The following CDH13 variants were observed in gnomAD, a reference collection of about 807,000 sequenced individuals.
CDH13 encodes the protein cadherin-13.
In CDH13, 24 loss-of-function variants were observed where a neutral mutation model predicts 63.8. The ratio of observed to expected loss-of-function variants is 0.38; its 90% CI spans 0.27 to 0.53. CDH13 has a LOEUF of 0.53. Ranked by LOEUF, CDH13 falls within the 20% of genes least tolerant of loss-of-function variation. CDH13 has a pLI of 0.85. For missense variants in CDH13, 1,049 were observed against 903.1 expected, an observed-to-expected ratio of 1.16 and a Z score of -2.07; for synonymous variants, 503 against 355.3, an observed-to-expected ratio of 1.42 and a Z score of -4.67.
intron 8 of CDH13, chr16:83,654,864 C>T (rs556644951): frequency 6.6e-5 from 10 of 152,310 alleles, no homozygotes; most frequent in African/African-American, 2.4e-4. Flanking sequence ...AGAGCATCTC[C>T]AGGTGGCTCA....
rs74316391 is a variant in CDH13 at position 83,660,615 on chromosome 16, A to G, written c.1102-10175A>G. Among the ~76,000 whole-genome samples, 508 of 152,274 alleles carry G rather than the reference A, an allele frequency of 3.3e-3. 6 individuals are homozygous for G. Among genetic ancestry groups the G allele is most frequent in the African/African-American group, 0.012 (489 of 41,554 alleles). On this transcript the variant is annotated intron_variant, in intron 8 of 13. Coordinates refer to ENST00000567109, the MANE Select transcript of CDH13 (RefSeq NM_001257.5). Reference sequence around the variant, plus strand: ...AACCACTGAGTTAGAGGCCAACTAGAATTTGCCCCACTTCATTGAATTCCC... The same window carrying G: ...AACCACTGAGTTAGAGGCCAACTAGGATTTGCCCCACTTCATTGAATTCCC...
intron 5 of CDH13, among the ~76,000 whole-genome samples, chr16:83,250,233 A>G (rs72802275): frequency 0.15 from 22,676 of 152,212 alleles, 1,972 homozygotes; most frequent in African/African-American, 0.23. Flanking sequence ...CATTGACCCA[A>G]TGAGCATTCA....
chr16:83,411,862 A>C (rs1472445974), intron 6 of CDH13, among the ~76,000 whole-genome samples: 1 of 152,186 alleles, frequency 6.6e-6, no homozygotes, highest in Non-Finnish European at 1.5e-5. Flanking sequence ...CCTCATAACA[A>C]GTTTATAAGG....
intron 1 of CDH13, among the ~76,000 whole-genome samples, chr16:82,805,982 C>T (rs938620556): frequency 2.6e-5 from 4 of 152,112 alleles, no homozygotes; most frequent in East Asian, 3.8e-4. Context: ...TCCATAATCC[C>T]CTAGGTTTCT....
At chr16:82,792,046 C>G (rs1401245700) in intron 1 of CDH13, among the ~76,000 whole-genome samples, 1 of 152,188 alleles carries the variant, frequency 6.6e-6, no homozygotes, top group African/African-American at 2.4e-5. Context: ...TTGGCACCCG[C>G]TGCTGTCCCC....
intron 6 of CDH13, among the ~76,000 whole-genome samples, chr16:83,460,987 A>ACACACG (rs2073163321): frequency 8.3e-6 from 1 of 120,080 alleles, no homozygotes; most frequent in African/African-American, 3.1e-5. Flanking sequence ...CTCAAAACAC[A>ACACACG]CACACACGCA....
At chr16:83,590,416 C>A (rs1396078259) in intron 7 of CDH13, among the ~76,000 whole-genome samples, 1 of 152,114 alleles carries the variant, frequency 6.6e-6, no homozygotes, top group Non-Finnish European at 1.5e-5. Flanking sequence ...GCTACAGAGA[C>A]TCCCAGGGGC....
At chr16:83,727,257 G>A (rs564070553) in intron 10 of CDH13, among the ~76,000 whole-genome samples, 6 of 148,154 alleles carry the variant, frequency 4.0e-5, no homozygotes, top group Admixed American at 1.3e-4. Flanking sequence ...ACATTTCATC[G>A]GAATGAAATC....
At chr16:82,714,247 G>A (rs569359080) in intron 1 of CDH13, among the ~76,000 whole-genome samples, 78 of 152,226 alleles carry the variant, frequency 5.1e-4, no homozygotes, top group African/African-American at 1.7e-3. Context: ...CAACATACCC[G>A]CTTCCAAGTC....
chr16:83,116,712 C>A (rs1182059663), intron 3 of CDH13, among the ~76,000 whole-genome samples: 3 of 152,206 alleles, frequency 2.0e-5, no homozygotes, highest in Admixed American at 2.0e-4. Context: ...TTGCACAACT[C>A]TGTAAATTTC....
chr16:83,246,092 C>G (rs1262005622), intron 5 of CDH13, among the ~76,000 whole-genome samples: 1 of 152,102 alleles, frequency 6.6e-6, no homozygotes, highest in Non-Finnish European at 1.5e-5. Flanking sequence ...AGAATTAGTT[C>G]TTATTTATTG....
At chr16:82,824,539 G>A (rs2549146) in intron 1 of CDH13, 21,441 of 152,074 alleles carry the variant, frequency 0.14, 1,651 homozygotes, top group Middle Eastern at 0.2. Context: ...AGTTCACAAC[G>A]CCATCTAGTC....
intron 3 of CDH13, among the ~76,000 whole-genome samples, chr16:83,082,322 T>C (rs977990625): frequency 1.3e-5 from 2 of 152,140 alleles, no homozygotes; most frequent in African/African-American, 4.8e-5. Flanking sequence ...AACAAGCTAG[T>C]ACAGGAGTTG....
chr16:82,903,667 C>G (rs938636966), intron 2 of CDH13, among the ~76,000 whole-genome samples: 1 of 152,176 alleles, frequency 6.6e-6, no homozygotes, highest in Non-Finnish European at 1.5e-5. Flanking sequence ...GAATCAGACC[C>G]TAACGGGTTT....
chr16:82,869,044 T>C (rs920696978), intron 2 of CDH13, among the ~76,000 whole-genome samples: 15 of 152,326 alleles, frequency 9.8e-5, no homozygotes, highest in African/African-American at 3.6e-4. Context: ...CTACATTGTG[T>C]AATTATTATC....
chr16:83,289,617 C>G (rs2089416675), intron 5 of CDH13, among the ~76,000 whole-genome samples: 1 of 151,940 alleles, frequency 6.6e-6, no homozygotes, highest in Non-Finnish European at 1.5e-5. Context: ...TTAATAATGC[C>G]AGGGACATCT....
chr16:83,195,007 A>G (rs1050086364), intron 4 of CDH13, among the ~76,000 whole-genome samples: 2 of 152,268 alleles, frequency 1.3e-5, no homozygotes, highest in African/African-American at 4.8e-5. Context: ...GAATATTCCA[A>G]TAGAAATAAC....
intron 13 of CDH13, among the ~76,000 whole-genome samples, chr16:83,788,488 A>G (rs1916037504): frequency 6.6e-6 from 1 of 152,090 alleles, no homozygotes; most frequent in Admixed American, 6.5e-5. Flanking sequence ...GATTAAAAAA[A>G]AAAGACTTGG....
chr16:83,253,979 C>T (rs182435175), intron 5 of CDH13, among the ~76,000 whole-genome samples: 1 of 152,286 alleles, frequency 6.6e-6, no homozygotes, highest in East Asian at 1.9e-4. Flanking sequence ...CAGAGTCAAT[C>T]TTAGATAGAG....
Sources: gnomAD v4.1 joint callset for allele counts (sites outside exome capture counted in the v4.1 genomes callset) on GRCh38, gnomAD v4.1.1 for gene constraint, MANE v1.5 for transcripts, NCBI Gene and HGNC (gene_info 2026-07-23, HGNC 2026-07-21) for gene names.